Variants in ARFGEF1 observed in about 807,000 individuals in gnomAD.
ARFGEF1 encodes ARF guanine nucleotide exchange factor 1, also known as brefeldin A-inhibited guanine nucleotide-exchange protein 1.
Under a neutral mutation model 231.0 loss-of-function variants are expected in ARFGEF1, and 42 were observed. The observed-to-expected ratio is 0.18, with a 90% CI of 0.14 to 0.24. The LOEUF is 0.24. ARFGEF1 is among the 10% of genes least tolerant of loss of function. The pLI, the probability that ARFGEF1 is intolerant of heterozygous loss-of-function variation, is 1.00. For synonymous variants in ARFGEF1, 710 were observed against 732.3 expected (o/e 0.97, Z 0.49); for missense variants, 1,345 against 2,192.0 (o/e 0.61, Z 7.72).
intron 1 of ARFGEF1, among the ~76,000 whole-genome samples, chr8:67,307,821 C>T (rs2128919633): frequency 6.6e-6 from 1 of 152,310 alleles, no homozygotes; most frequent in East Asian, 1.9e-4. Context: ...TCTAACTCCC[C>T]TCCCCTTAAA....
intron 2 of ARFGEF1, among the ~76,000 whole-genome samples, chr8:67,302,004 C>T (rs112267702): frequency 0.023 from 3,497 of 151,952 alleles, 88 homozygotes; most frequent in South Asian, 0.046. Context: ...TTCAGGAGTT[C>T]GAGACCAGCC....
At chr8:67,323,214 T>C (rs1178522683) in intron 1 of ARFGEF1, among the ~76,000 whole-genome samples, 1 of 152,226 alleles carries the variant, frequency 6.6e-6, no homozygotes, top group East Asian at 1.9e-4. Flanking sequence ...ATCGCGCCAC[T>C]GCACTCCAGC....
At position 67,228,271 on chromosome 8, in the gene ARFGEF1, A is replaced by G. The variant is rs1290529098; in HGVS notation, c.3381-7T>C. On this transcript the variant is annotated splice_region_variant and splice_polypyrimidine_tract_variant and intron_variant, in intron 23 of 38. Transcript: ENST00000262215. ...TGTAGATCCTGTGAATATTCTAGGG[A>G]AAATAAAACACAATTTAAAAAATTT... The G allele has an allele frequency of 1.2e-6, 2 of 1,604,148 alleles. No individual in the cohort carries two copies. The highest frequency in any genetic ancestry group is 1.3e-5 in the African/African-American group (1 of 74,442).
chr8:67,307,462 G>A (rs576348870), intron 1 of ARFGEF1, among the ~76,000 whole-genome samples: 13 of 152,296 alleles, frequency 8.5e-5, no homozygotes, highest in African/African-American at 1.2e-4. Context: ...TAAATTCCAC[G>A]GACAAGGAAG....
At chr8:67,234,858 G>A (rs985414981) in intron 22 of ARFGEF1, among the ~76,000 whole-genome samples, 13 of 151,860 alleles carry the variant, frequency 8.6e-5, no homozygotes, top group African/African-American at 2.7e-4. Context: ...AAGAATGAAA[G>A]CCTGAAGTAA....
chr8:67,312,737 G>T (rs377273387), intron 1 of ARFGEF1, among the ~76,000 whole-genome samples: 2 of 152,194 alleles, frequency 1.3e-5, no homozygotes, highest in African/African-American at 4.8e-5. Context: ...GGTTGCTAAT[G>T]TATGCAGAAA....
intron 6 of ARFGEF1, among the ~76,000 whole-genome samples, chr8:67,290,076 G>T (rs886516531): frequency 4.6e-5 from 7 of 152,190 alleles, no homozygotes; most frequent in Admixed American, 4.6e-4. Context: ...AGTGACAGAG[G>T]TGTGCTCCAA....
intron 34 of ARFGEF1, among the ~76,000 whole-genome samples, chr8:67,210,259 C>T (rs1187204920): frequency 6.6e-6 from 1 of 151,468 alleles, no homozygotes; most frequent in African/African-American, 2.4e-5. Flanking sequence ...GGGTGGATGG[C>T]CTGAGCTCAG....
intron 20 of ARFGEF1, 143 bp downstream of exon 20, chr8:67,240,019 A>T: frequency 8.9e-7 from 1 of 1,120,796 alleles, no homozygotes; most frequent in Non-Finnish European, 1.2e-6. Context: ...AGAAGCTTAA[A>T]CATTAAGATT....
At chr8:67,271,990 T>C (rs1805115754) in intron 9 of ARFGEF1, 54 bp from the exon 10 acceptor site, 1 of 1,098,534 alleles carries the variant, frequency 9.1e-7, no homozygotes, top group South Asian at 1.5e-5. Context: ...ATTATAGTAA[T>C]AACAGGTTGT....
At chr8:67,287,175 C>T (rs988686050) in intron 7 of ARFGEF1, among the ~76,000 whole-genome samples, 4 of 152,180 alleles carry the variant, frequency 2.6e-5, no homozygotes, top group African/African-American at 9.7e-5. Context: ...ATAAAAGTGA[C>T]TCACTGTGTC....
At chr8:67,234,705 G>T (rs1047893656) in intron 22 of ARFGEF1, among the ~76,000 whole-genome samples, 9 of 152,096 alleles carry the variant, frequency 5.9e-5, no homozygotes, top group Non-Finnish European at 1.3e-4. Flanking sequence ...ACAGGGATCC[G>T]TTAGGTCTTT....
At chr8:67,303,698 A>G (rs1806605672) in intron 1 of ARFGEF1, among the ~76,000 whole-genome samples, 1 of 151,726 alleles carries the variant, frequency 6.6e-6, no homozygotes, top group Admixed American at 6.6e-5. Flanking sequence ...TCAGCGACAG[A>G]GTGAGACTCC....
At chr8:67,218,200 AAAAAAAAATAT>A in intron 30 of ARFGEF1, 62 bp from the exon 31 acceptor site, 4 of 200,742 alleles carry the variant, frequency 2.0e-5, no homozygotes, top group Non-Finnish European at 7.7e-6. Flanking sequence ...TTAAAAAAAA[AAAAAAAAATAT>A]ATATATATAT....
At position 67,266,950 on chromosome 8, in the gene ARFGEF1, A is replaced by G. The variant is rs779586937; in HGVS notation, c.1847T>C (p.Leu616Ser). 8.7e-6 allele frequency: 14 copies of G among 1,613,484 alleles called. No individual in the cohort carries two copies. Among genetic ancestry groups the G allele is most frequent in the Non-Finnish European group, 1.2e-5 (14 of 1,179,750 alleles). Reference sequence around the variant, plus strand: ...AACCATACACTTCAAAATCGACACTAAGCATTCTAAACCTTTTTTCCTCAG... The same window carrying G: ...AACCATACACTTCAAAATCGACACTGAGCATTCTAAACCTTTTTTCCTCAG... Reference protein sequence around the residue: ...LSLRKKGLECLVSILKCMVEW... With the variant: ...LSLRKKGLECSVSILKCMVEW... The change falls in exon 13 of 39, where the codon TTA becomes TCA. Residue 616 changes from leucine to serine, a missense_variant. Leu to Ser is a moderately radical substitution (Grantham distance 145). Around this residue, in one of 14 missense-constraint regions of ARFGEF1, gnomAD observed 141 missense variants for 259.9 expected, o/e 0.54. Coordinates refer to ENST00000262215, the MANE Select transcript of ARFGEF1 (RefSeq NM_006421.5).
rs1838203368 is a variant in ARFGEF1, at chr8:67,198,774, G to A, written c.*160C>T. On this transcript the variant is annotated 3_prime_UTR_variant, in exon 39 of 39. Transcript: ENST00000262215. ...CACAAAATCCACCAGCACTAAAAGG[G>A]ACTGGAGTGTTGCAAGTTTGAGTAA... is the stretch of plus-strand genomic sequence containing the variant. 1 of 1,427,722 alleles carries A rather than the reference G, an allele frequency of 7.0e-7. No individual in the cohort carries two copies. The highest frequency in any genetic ancestry group is 9.1e-7 in the Non-Finnish European group (1 of 1,095,448). 88.4% of individuals were successfully genotyped at this position (1,427,722 alleles called of 1,614,324 possible). A position where few individuals can be genotyped will look rare whatever the true frequency, so the allele number is the denominator to read the frequency against.
chr8:67,215,114 T>C (rs1838881087), intron 33 of ARFGEF1, among the ~76,000 whole-genome samples: 1 of 152,208 alleles, frequency 6.6e-6, no homozygotes, highest in Admixed American at 6.5e-5. Context: ...TACTGTATTT[T>C]AAAAGTTACA....
intron 5 of ARFGEF1, among the ~76,000 whole-genome samples, chr8:67,294,079 T>C (rs1806125053): frequency 6.6e-6 from 1 of 152,148 alleles, no homozygotes; most frequent in Non-Finnish European, 1.5e-5. Context: ...ACTTTTTTTT[T>C]TGGTCGTTAT....
intron 10 of ARFGEF1, 57 bp from the exon 11 acceptor site, chr8:67,267,499 C>A: frequency 8.5e-7 from 1 of 1,182,116 alleles, no homozygotes; most frequent in South Asian, 1.3e-5. Context: ...TATGTGTGAT[C>A]ACTTTTTAAA....
Sources: allele counts gnomAD v4.1 joint callset (sites outside exome capture counted in the v4.1 genomes callset), GRCh38; gene constraint gnomAD v4.1.1; regional missense constraint gnomAD v4.1.1; transcripts MANE v1.5; gene names NCBI Gene and HGNC (gene_info 2026-07-23, HGNC 2026-07-21).